PPID: variants seen among roughly 807,000 people sequenced by gnomAD.
PPID encodes the protein peptidylprolyl isomerase D, also known as peptidyl-prolyl cis-trans isomerase D.
In PPID, 47 loss-of-function variants were observed where a neutral mutation model predicts 48.1. That is an observed-to-expected ratio of 0.98 (90% CI 0.77 to 1.25). The LOEUF is 1.25. PPID is among the 50% of genes most tolerant of loss of function. The pLI is 0.00. For missense variants in PPID, 429 were observed against 443.5 expected (o/e 0.97, Z 0.29); for synonymous variants, 163 against 148.8 (o/e 1.10, Z -0.69).
intron 5 of PPID, 43 bp from the exon 6 acceptor site, chr4:158,715,446 G>A (rs2126332452): frequency 2.0e-6 from 3 of 1,496,128 alleles, no homozygotes; most frequent in Non-Finnish European, 2.7e-6. Flanking sequence ...AGTAAGTAAT[G>A]TGGTTTAATG....
chr4:158,711,243 T>G (rs1381455010), intron 7 of PPID, among the ~76,000 whole-genome samples: 1 of 152,178 alleles, frequency 6.6e-6, no homozygotes, highest in South Asian at 2.1e-4. Flanking sequence ...TTTGTTTTTT[T>G]AAGACAAGGT....
At chr4:158,718,706 C>T (rs17843911) in intron 3 of PPID, among the ~76,000 whole-genome samples, 93 of 152,186 alleles carry the variant, frequency 6.1e-4, no homozygotes, top group African/African-American at 2.1e-3. Context: ...TGCAATATAC[C>T]CCAATTACAT....
rs767015430 is a variant in PPID, at chr4:158,723,229, AAAG to A, written c.57_59del (p.Phe20del). 4 of 1,613,894 alleles carry A rather than the reference AAAG, an allele frequency of 2.5e-6. No homozygotes were observed. In the African/African-American group the frequency reaches 5.3e-5, roughly 22 times the overall value. ...CTCGCTCCCCTCCGATGTCCACGTC[AAAG>A]AAGACTCGAGGGTTACTGGGGTTGG... is the stretch of plus-strand genomic sequence containing the variant. On this transcript the variant is annotated inframe_deletion, in exon 1 of 10. Coordinates refer to ENST00000307720, the MANE Select transcript of PPID (RefSeq NM_005038.3).
chr4:158,709,940 A>G (rs1774755425), intron 9 of PPID, 116 bp from the exon 10 acceptor site: 1 of 709,866 alleles, frequency 1.4e-6, no homozygotes, highest in African/African-American at 1.8e-5. Flanking sequence ...CAAAGTAACT[A>G]AGCCCTAGTA....
chr4:158,717,008 T>G lies in PPID; in HGVS notation c.522+4A>C. 6.2e-7 allele frequency: 1 copy of G among 1,606,086 alleles called. No individual in the cohort carries two copies. Among genetic ancestry groups the G allele is most frequent in the Non-Finnish European group, 8.5e-7 (1 of 1,173,694 alleles). On this transcript the variant is annotated splice_donor_region_variant and intron_variant, in intron 4 of 9. Coordinates refer to ENST00000307720, the MANE Select transcript of PPID (RefSeq NM_005038.3). ...AGTGTATTTCACTGTAACTTTTTAC[T>G]TACTTTAGCAGGTTTTTCACCTTTC...
At chr4:158,721,526 TAGAC>T in intron 1 of PPID, 43 bp from the exon 2 acceptor site, 1 of 1,585,038 alleles carries the variant, frequency 6.3e-7, no homozygotes, top group South Asian at 1.1e-5. Flanking sequence ...AACAACCAAA[TAGAC>T]AAATGATAAA....
In PPID at chr4:158,710,820, T is replaced by C. The variant is rs778787483; in HGVS notation, c.923A>G (p.Lys308Arg). ...EALELDPSNTKALYRRAQGWQ... is the reference protein window; with the variant it reads ...EALELDPSNTRALYRRAQGWQ... ...TCCTTGAGCTCTGCGGTACAATGCT[T>C]TGGTATTTGATGGGTCTAGTTCAAG... The change falls in exon 8 of 10, where the codon AAA becomes AGA. Residue 308 changes from lysine (K) to arginine (R), a missense_variant. Physicochemically the swap from Lys to Arg is conservative, Grantham distance 26. Transcript: ENST00000307720. 3 of 1,613,482 alleles carry C rather than the reference T, an allele frequency of 1.9e-6. No homozygotes were observed. In the African/African-American group the frequency reaches 4.0e-5, roughly 22 times the overall value.
At chr4:158,713,324 G>A in intron 6 of PPID, 64 bp from the exon 7 acceptor site, 1 of 1,371,768 alleles carries the variant, frequency 7.3e-7, no homozygotes, top group South Asian at 1.6e-5. Context: ...TCTTCTCTAT[G>A]TCCAGAAGTG....
At position 158,709,324 on chromosome 4, in the gene PPID, C is replaced by G. The variant is rs1774733345; in HGVS notation, c.*412G>C. 6.4e-6 allele frequency: 1 copy of G among 155,492 alleles called. No homozygotes were observed. The highest frequency in any genetic ancestry group is 6.5e-5 in the Admixed American group (1 of 15,486). The allele number at this position is 155,492 out of a possible 1,614,324, so 9.6% of individuals were successfully genotyped here. A position where few individuals can be genotyped will look rare whatever the true frequency, so the allele number is the denominator to read the frequency against. ...GGGGTGGATCACAAGGTCAGGAGTTCAAGACCAACGTGACGTGACCAATAT... is the reference window on the plus strand; with the variant it reads ...GGGGTGGATCACAAGGTCAGGAGTTGAAGACCAACGTGACGTGACCAATAT... On this transcript the variant is annotated 3_prime_UTR_variant, in exon 10 of 10. Coordinates refer to ENST00000307720, the MANE Select transcript of PPID (RefSeq NM_005038.3).
Position 158,723,277 on chromosome 4 carries a change from C to A in PPID, c.12G>T (p.Pro4=). 1 of 1,613,852 alleles carries A rather than the reference C, an allele frequency of 6.2e-7. No individual in the cohort carries two copies. The highest frequency in any genetic ancestry group is 8.5e-7 in the Non-Finnish European group (1 of 1,179,928). The change falls in exon 1 of 10, where the codon CCG becomes CCT. Residue 4 remains proline (P), a synonymous_variant. Transcript: ENST00000307720. MSH[P]SPQAKPSNPS... ...GGTTGGAGGGCTTGGCTTGGGGGGA[C>A]GGGTGCGACATCTTGACTTGCAGAC...
At position 158,719,303 on chromosome 4, in the gene PPID, T is replaced by C; in HGVS notation, c.227-17A>G. 1 of 1,496,276 alleles carries C rather than the reference T, an allele frequency of 6.7e-7. No individual in the cohort carries two copies. Among genetic ancestry groups the C allele is most frequent in the Non-Finnish European group, 9.3e-7 (1 of 1,074,600 alleles). 92.7% of individuals were successfully genotyped at this position (1,496,276 alleles called of 1,614,324 possible). A position where few individuals can be genotyped will look rare whatever the true frequency, so the allele number is the denominator to read the frequency against. On this transcript the variant is annotated splice_polypyrimidine_tract_variant and intron_variant, in intron 2 of 9. Transcript: ENST00000307720. The stretch of plus-strand genomic sequence containing the variant: ...TCTTAATAACTACAAAAAAGGAAAA[T>C]GGCTATTAGTGACTGAGACATGGAT...
chr4:158,710,314 A>G (rs899334165), intron 9 of PPID: 105 of 453,010 alleles, frequency 2.3e-4, no homozygotes, highest in Middle Eastern at 1.2e-3. Flanking sequence ...ACTAACCAGA[A>G]TAGGAACACA....
chr4:158,716,559 TAAAA>T (rs33958032), intron 4 of PPID, among the ~76,000 whole-genome samples: 9 of 138,242 alleles, frequency 6.5e-5, no homozygotes, highest in Non-Finnish European at 9.5e-5. Context: ...GTAGAAAAGT[TAAAA>T]AAAAAAAAAA....
At chr4:158,720,506 T>C (rs1774939473) in intron 2 of PPID, among the ~76,000 whole-genome samples, 1 of 152,208 alleles carries the variant, frequency 6.6e-6, no homozygotes, top group African/African-American at 2.4e-5. Flanking sequence ...GGTGAAAACA[T>C]ACAGTTCTTG....
At chr4:158,715,770 G>T in intron 4 of PPID, 86 bp from the exon 5 acceptor site, 1 of 1,425,444 alleles carries the variant, frequency 7.0e-7, no homozygotes, top group Non-Finnish European at 9.7e-7. Flanking sequence ...GTGCAGCACT[G>T]TCCAATTCAC....
intron 6 of PPID, among the ~76,000 whole-genome samples, 182 bp from the exon 7 acceptor site, chr4:158,713,442 A>G (rs1437420294): frequency 1.3e-5 from 2 of 152,214 alleles, no homozygotes; most frequent in Non-Finnish European, 2.9e-5. Context: ...TTTGTTCCCC[A>G]AAGTGTTCAA....
chr4:158,717,084 G>A lies in PPID; in HGVS notation c.450C>T (p.Gly150=), dbSNP rs1484154975. Residue 150 remains glycine (G), a synonymous_variant, in exon 4 of 10, where the codon GGC becomes GGT. Coordinates refer to ENST00000307720, the MANE Select transcript of PPID (RefSeq NM_005038.3). ...CCACTCCTATTCCTTTAATTACTTGGCCAAACACCACATGTTTCCCATCCA... is the reference window on the plus strand; with the variant it reads ...CCACTCCTATTCCTTTAATTACTTGACCAAACACCACATGTTTCCCATCCA... ...PHLDGKHVVF[G]QVIKGIGVAR... 3.1e-6 allele frequency: 5 copies of A among 1,613,708 alleles called. No individual in the cohort carries two copies. The highest frequency in any genetic ancestry group is 4.2e-6 in the Non-Finnish European group (5 of 1,179,848).
chr4:158,713,087 T>C (rs775676446), intron 7 of PPID, 32 bp downstream of exon 7: 44 of 1,609,510 alleles, frequency 2.7e-5, no homozygotes, highest in Non-Finnish European at 3.7e-5. Flanking sequence ...TAATCCAACT[T>C]ATTCAAAAAG....
Position 158,709,640 on chromosome 4 carries a change from A to G in PPID, c.*96T>C. 2.2e-6 allele frequency: 2 copies of G among 900,156 alleles called. No homozygotes were observed. Among genetic ancestry groups the G allele is most frequent in the Non-Finnish European group, 3.4e-6 (2 of 588,294 alleles). 55.8% of individuals were successfully genotyped at this position (900,156 alleles called of 1,614,324 possible). A position where few individuals can be genotyped will look rare whatever the true frequency, so the allele number is the denominator to read the frequency against. On this transcript the variant is annotated 3_prime_UTR_variant, in exon 10 of 10. Transcript: ENST00000307720. ...AACAGTAAGGAACTAAGGTGTCAAA[A>G]GAAACACATTAGGGATCATATTCAT... is the stretch of plus-strand genomic sequence containing the variant.
Sources: gnomAD v4.1 joint callset for allele counts (sites outside exome capture counted in the v4.1 genomes callset) on GRCh38, gnomAD v4.1.1 for gene constraint, MANE v1.5 for transcripts, NCBI Gene and HGNC (gene_info 2026-07-23, HGNC 2026-07-21) for gene names.